Variants in CREBRF observed in about 807,000 individuals in gnomAD.
CREBRF encodes the protein CREB3 regulatory factor.
A neutral mutation model predicts 66.1 loss-of-function variants in CREBRF; 5 were observed. The ratio of observed to expected loss-of-function variants is 0.08; its 90% CI spans 0.04 to 0.16. CREBRF has a LOEUF of 0.16. CREBRF is among the 10% of genes least tolerant of loss of function. The probability of loss-of-function intolerance (pLI) is 1.00; values close to 1 mark genes in which losing one functional copy is unlikely to be tolerated. For missense variants in CREBRF, 531 were observed against 744.9 expected (o/e 0.71, Z 3.34); for synonymous variants, 229 against 264.4 (o/e 0.87, Z 1.30).
intron 5 of CREBRF, chr5:173,110,152 T>G (rs970033393): frequency 4.5e-5 from 13 of 286,048 alleles, no homozygotes; most frequent in African/African-American, 2.6e-4. Context: ...CTTCCGACTA[T>G]GTATTATACC....
chr5:173,073,915 C>A (rs993101897), intron 1 of CREBRF, among the ~76,000 whole-genome samples: 1 of 151,240 alleles, frequency 6.6e-6, no homozygotes, highest in Non-Finnish European at 1.5e-5. Flanking sequence ...TGTAGTGAGC[C>A]GAGATTGCGC....
At chr5:173,074,662 G>A (rs943004287) in intron 1 of CREBRF, among the ~76,000 whole-genome samples, 1 of 150,958 alleles carries the variant, frequency 6.6e-6, no homozygotes, top group African/African-American at 2.4e-5. Flanking sequence ...TCACTCTGTT[G>A]CCCAGGCTGG....
chr5:173,116,090 G>A lies in CREBRF; in HGVS notation c.1681+3711G>A, dbSNP rs185203255. On this transcript the variant is annotated intron_variant, in intron 7 of 8. Transcript: ENST00000296953. ...GAGGTGGGAGGATTGTTTGAGACTA[G>A]CCTGGATGATAGAGAAATACCCCAT... 6.0e-3 allele frequency among the ~76,000 whole-genome samples: 911 copies of A among 152,286 alleles called. 15 individuals carry two copies. Among genetic ancestry groups the A allele is most frequent in the African/African-American group, 0.021 (864 of 41,552 alleles).
intron 8 of CREBRF, among the ~76,000 whole-genome samples, chr5:173,128,322 T>C (rs1759320313): frequency 6.6e-6 from 1 of 152,148 alleles, no homozygotes; most frequent in Admixed American, 6.6e-5. Context: ...TGTGGATTTA[T>C]TGAGATTTTC....
intron 8 of CREBRF, among the ~76,000 whole-genome samples, chr5:173,124,998 A>G (rs1759236915): frequency 6.8e-6 from 1 of 146,570 alleles, no homozygotes. Context: ...AGCTCACTGC[A>G]GCCTCCACCT....
intron 1 of CREBRF, among the ~76,000 whole-genome samples, chr5:173,065,065 A>G (rs1197897125): frequency 4.6e-5 from 7 of 152,132 alleles, no homozygotes; most frequent in East Asian, 1.9e-4. Context: ...TGAATCCTCT[A>G]CTAGAGTTGC....
At chr5:173,074,954 G>A (rs372982066) in intron 1 of CREBRF, among the ~76,000 whole-genome samples, 1 of 152,202 alleles carries the variant, frequency 6.6e-6, no homozygotes, top group African/African-American at 2.4e-5. Context: ...CCGAATGTGA[G>A]GATAAAAGAC....
At chr5:173,131,482 C>T (rs1053578127) in intron 8 of CREBRF, among the ~76,000 whole-genome samples, 2 of 152,088 alleles carry the variant, frequency 1.3e-5, no homozygotes, top group Admixed American at 1.3e-4. Context: ...TCAGTCTCCC[C>T]ATCTTATTTT....
At chr5:173,082,698 A>G (rs1757993934) in intron 2 of CREBRF, among the ~76,000 whole-genome samples, 1 of 151,802 alleles carries the variant, frequency 6.6e-6, no homozygotes, top group Non-Finnish European at 1.5e-5. Flanking sequence ...ACTTGAGGTC[A>G]GGAGTTTGAA....
chr5:173,103,068 G>A (rs1001122326), intron 4 of CREBRF, among the ~76,000 whole-genome samples: 25 of 152,280 alleles, frequency 1.6e-4, no homozygotes, highest in Admixed American at 1.3e-4. Context: ...CTAGTCACAT[G>A]TCACATTTTC....
chr5:173,115,358 C>G (rs958792706), intron 7 of CREBRF, among the ~76,000 whole-genome samples: 1 of 152,092 alleles, frequency 6.6e-6, no homozygotes, highest in Non-Finnish European at 1.5e-5. Context: ...CTGCCTGCCT[C>G]GGCCTCCCAA....
Position 173,086,572 on chromosome 5 carries a change from G to T in CREBRF, c.81G>T (p.Leu27=), listed in dbSNP as rs146782259. 4 of 1,613,852 alleles carry T rather than the reference G, an allele frequency of 2.5e-6. No homozygotes were observed. The highest frequency in any genetic ancestry group is 3.4e-6 in the Non-Finnish European group (4 of 1,179,912). ...GCCACACCTTTTCGGAACAAACTCTGATGAGCACAGATCTCTTAGCAAACA... is the reference window on the plus strand; with the variant it reads ...GCCACACCTTTTCGGAACAAACTCTTATGAGCACAGATCTCTTAGCAAACA... The part of the protein sequence containing the change: ...FRSHTFSEQT[L]MSTDLLANSS... Residue 27 remains leucine (L), a synonymous_variant, in exon 3 of 9, where the codon CTG becomes CTT. Transcript: ENST00000296953.
chr5:173,080,647 T>A lies in CREBRF; in HGVS notation c.-129T>A. 3 of 878,874 alleles carry A rather than the reference T, an allele frequency of 3.4e-6. No individual in the cohort carries two copies. The highest frequency in any genetic ancestry group is 5.5e-6 in the Non-Finnish European group (3 of 545,686). The allele number at this position is 878,874 out of a possible 1,614,324, so 54.4% of individuals were successfully genotyped here. A position where few individuals can be genotyped will look rare whatever the true frequency, so the allele number is the denominator to read the frequency against. ...ATCCAAGCAATTGAATTGGAAGCAC[T>A]CTGGGGAAACCTGCTGTTTATTGTG... On this transcript the variant is annotated 5_prime_UTR_variant, in exon 2 of 9. Coordinates refer to ENST00000296953, the MANE Select transcript of CREBRF (RefSeq NM_153607.3).
intron 3 of CREBRF, 38 bp downstream of exon 3, chr5:173,086,664 T>A: frequency 1.3e-6 from 2 of 1,570,220 alleles, no homozygotes; most frequent in Non-Finnish European, 1.7e-6. Context: ...TTGATTGATT[T>A]GGGGTAAAAG....
At chr5:173,095,685 A>G (rs1411848919) in intron 4 of CREBRF, among the ~76,000 whole-genome samples, 1 of 152,098 alleles carries the variant, frequency 6.6e-6, no homozygotes, top group Non-Finnish European at 1.5e-5. Flanking sequence ...TTTTGGCCGT[A>G]TTAATTCTTC....
At chr5:173,114,707 T>C (rs1561813413) in intron 7 of CREBRF, among the ~76,000 whole-genome samples, 1 of 152,234 alleles carries the variant, frequency 6.6e-6, no homozygotes, top group Non-Finnish European at 1.5e-5. Context: ...CCACCAAACT[T>C]CCTTCTATTG....
chr5:173,085,295 T>C lies in CREBRF; in HGVS notation c.10-1206T>C, dbSNP rs558773933. On this transcript the variant is annotated intron_variant, in intron 2 of 8. Coordinates refer to ENST00000296953, the MANE Select transcript of CREBRF (RefSeq NM_153607.3). The stretch of plus-strand genomic sequence containing the variant: ...GATTTAAACACTGCTTTTAGTATGA[T>C]GTCAACACCAGCTATGCAGAAAGGG... 51 of 737,636 alleles carry C rather than the reference T, an allele frequency of 6.9e-5. No individual in the cohort carries two copies. The East Asian group carries it at 1.3e-3, about 19-fold the overall frequency. The allele number at this position is 737,636 out of a possible 1,614,324, so 45.7% of individuals were successfully genotyped here.
At chr5:173,120,733 GC>G (rs2113791525) in intron 7 of CREBRF, among the ~76,000 whole-genome samples, 1 of 101,292 alleles carries the variant, frequency 9.9e-6, no homozygotes, top group South Asian at 3.5e-4. Flanking sequence ...CTTGCTTGTT[GC>G]CCAGGCTGGA....
chr5:173,067,444 C>A (rs894749132), intron 1 of CREBRF, among the ~76,000 whole-genome samples: 4 of 151,960 alleles, frequency 2.6e-5, no homozygotes, highest in Admixed American at 2.6e-4. Flanking sequence ...AGAGCACAGG[C>A]CAATTTAAAG....
Sources: allele counts gnomAD v4.1 joint callset (sites outside exome capture counted in the v4.1 genomes callset), GRCh38; gene constraint gnomAD v4.1.1; transcripts MANE v1.5; gene names NCBI Gene and HGNC (gene_info 2026-07-23, HGNC 2026-07-21).